The following DNMBP variants were observed in gnomAD, a reference collection of about 807,000 sequenced individuals.
DNMBP encodes the protein dynamin binding protein, also known as dynamin-binding protein.
DNMBP carries 87 observed loss-of-function variants against 150.0 expected under a neutral mutation model. The observed-to-expected ratio is 0.58, with a 90% confidence interval of 0.49 to 0.69. DNMBP has a LOEUF of 0.69. Ranked by LOEUF, DNMBP falls within the 30% of genes least tolerant of loss-of-function variation. The pLI, the probability that DNMBP is intolerant of heterozygous loss-of-function variation, is 0.00. For missense variants in DNMBP, 1,774 were observed against 1,949.0 expected (o/e 0.91, Z 1.69); for synonymous variants, 711 against 750.4 (o/e 0.95, Z 0.86).
At chr10:99,954,096 G>C (rs1283865132) in intron 4 of DNMBP, among the ~76,000 whole-genome samples, 1 of 151,938 alleles carries the variant, frequency 6.6e-6, no homozygotes, top group Non-Finnish European at 1.5e-5. Flanking sequence ...GCAGTGGCAT[G>C]ATCATTGCTC....
In DNMBP at chr10:99,896,251, A is replaced by C. The variant is rs778189511; in HGVS notation, c.3051+16T>G. ...CTGTCAAAGATGCGCTAAGCCTTCC[A>C]GGATGGGGATCTCACCTGAGGAGCA... On this transcript the variant is annotated intron_variant, in intron 10 of 16. Transcript: ENST00000324109. 6.2e-7 allele frequency: 1 copy of C among 1,613,506 alleles called. No homozygotes were observed.
At chr10:99,946,289 T>G (rs1439356309) in intron 4 of DNMBP, among the ~76,000 whole-genome samples, 2 of 152,206 alleles carry the variant, frequency 1.3e-5, no homozygotes, top group East Asian at 3.8e-4. Flanking sequence ...CACTTAACAA[T>G]TCCACCAACA....
Position 99,880,018 on chromosome 10 carries a change from C to T in DNMBP, c.4341G>A (p.Gly1447=), listed in dbSNP as rs1169794000. 2 of 1,614,156 alleles carry T rather than the reference C, an allele frequency of 1.2e-6. No homozygotes were observed. Among genetic ancestry groups the T allele is most frequent in the East Asian group, 4.5e-5 (2 of 44,888 alleles). Residue 1447 remains glycine, a synonymous_variant, in exon 16 of 17, where the codon GGG becomes GGA. Coordinates refer to ENST00000324109, the MANE Select transcript of DNMBP (RefSeq NM_015221.4). ...CATCTCTAGCTACATCTGCAGAGTCCCCTGACCTTGGCTGGGAGGTGGAGT... is the reference window on the plus strand; with the variant it reads ...CATCTCTAGCTACATCTGCAGAGTCTCCTGACCTTGGCTGGGAGGTGGAGT... ...DPDSTSQPRS[G]DSADVARDVK... is the part of the protein sequence containing the mutation.
intron 4 of DNMBP, among the ~76,000 whole-genome samples, chr10:99,923,159 G>A (rs572133859): frequency 6.6e-6 from 1 of 152,092 alleles, no homozygotes; most frequent in African/African-American, 2.4e-5. Flanking sequence ...GGGAGGCCGA[G>A]GTGGGCGGAT....
intron 10 of DNMBP, 78 bp downstream of exon 10, chr10:99,896,189 T>A: frequency 6.6e-7 from 1 of 1,526,574 alleles, no homozygotes; most frequent in Non-Finnish European, 8.9e-7. Flanking sequence ...CCACGCCAAT[T>A]GACGCCAGGC....
In DNMBP at chr10:100,000,867, A is replaced by C. The variant is rs1420588336; in HGVS notation, c.-11+8971T>G. Among the ~76,000 whole-genome samples, 496 of 145,484 alleles carry C rather than the reference A, an allele frequency of 3.4e-3. 8 individuals carry two copies. Among genetic ancestry groups the C allele is most frequent in the African/African-American group, 0.012 (442 of 37,624 alleles). On this transcript the variant is annotated intron_variant, in intron 1 of 16. Transcript: ENST00000324109. ...AGTGACACCTGTTATGGCAAAAAAA[A>C]AAAAAAAAAAAAAAAAAAAACCCAG...
intron 1 of DNMBP, among the ~76,000 whole-genome samples, chr10:99,974,566 T>C (rs1050352879): frequency 4.0e-5 from 6 of 150,722 alleles, no homozygotes; most frequent in African/African-American, 1.5e-4. Flanking sequence ...AGTGCAAAAA[T>C]AGCTCACTGC....
At position 99,875,750 on chromosome 10, in the gene DNMBP, G is replaced by C. The variant is rs1231533293; in HGVS notation, c.*1401C>G. The C allele has an allele frequency of 7.5e-6, 1 of 133,452 alleles. No homozygotes were observed. Among genetic ancestry groups the C allele is most frequent in the African/African-American group, 2.6e-5 (1 of 39,086 alleles). 8.3% of individuals were successfully genotyped at this position (133,452 alleles called of 1,614,324 possible). ...GACTCCCAGGATTTTAAGGCTAAAT[G>C]TGCACTTGGAGGAACAGGGGCTGTA... On this transcript the variant is annotated 3_prime_UTR_variant, in exon 17 of 17. Coordinates refer to ENST00000324109, the MANE Select transcript of DNMBP (RefSeq NM_015221.4).
intron 9 of DNMBP, 152 bp from the exon 10 acceptor site, chr10:99,896,549 T>A: frequency 1.3e-6 from 1 of 769,060 alleles, no homozygotes. Context: ...TGGACAGACA[T>A]GATATCTGAA....
chr10:99,969,041 A>C lies in DNMBP; in HGVS notation c.268+74T>G. 5.1e-6 allele frequency: 8 copies of C among 1,574,718 alleles called. No homozygotes were observed. The South Asian group carries it at 9.0e-5, about 18-fold the overall frequency. The stretch of plus-strand genomic sequence containing the variant: ...GTTAAGCCACTTCACAAATTCAAAA[A>C]GGATCTGGTTGTCGAAACGGGCAGA... On this transcript the variant is annotated intron_variant, in intron 3 of 16. Coordinates refer to ENST00000324109, the MANE Select transcript of DNMBP (RefSeq NM_015221.4).
In DNMBP at chr10:99,951,809, C is replaced by T. The variant is rs750733789; in HGVS notation, c.2260+3405G>A. ...GGGACTTGCCTTGTCTCAGATGAGA[C>T]GTCGAACTGTGGACTTTTGAGTTAA... On this transcript the variant is annotated intron_variant, in intron 4 of 16. Coordinates refer to ENST00000324109, the MANE Select transcript of DNMBP (RefSeq NM_015221.4). Among the ~76,000 whole-genome samples the T allele has an allele frequency of 4.6e-4, 70 of 152,306 alleles. 1 individual carries two copies. The highest frequency in any genetic ancestry group is 1.3e-3 in the African/African-American group (54 of 41,554).
intron 6 of DNMBP, among the ~76,000 whole-genome samples, chr10:99,903,170 G>T (rs2039772060): frequency 6.7e-6 from 1 of 149,682 alleles, no homozygotes; most frequent in Non-Finnish European, 1.5e-5. Flanking sequence ...TGAACTCCTG[G>T]CCTCAAGCAA....
At chr10:100,004,077 C>CA (rs551141586) in intron 1 of DNMBP, among the ~76,000 whole-genome samples, 61,745 of 139,788 alleles carry the variant, frequency 0.44, 13,462 homozygotes, top group African/African-American at 0.52. Flanking sequence ...AAAAAAATTA[C>CA]AAAAAAAAAA....
At chr10:99,903,481 C>A (rs1031610358) in intron 6 of DNMBP, among the ~76,000 whole-genome samples, 1 of 152,052 alleles carries the variant, frequency 6.6e-6, no homozygotes, top group Non-Finnish European at 1.5e-5. Context: ...TACAAGTGTG[C>A]CCCACCATAC....
intron 4 of DNMBP, among the ~76,000 whole-genome samples, chr10:99,915,194 CACACATATACATAT>C (rs2039951165): frequency 1.5e-5 from 2 of 130,520 alleles, no homozygotes; most frequent in Non-Finnish European, 3.2e-5. Context: ...CACACATATA[CACACATATACATAT>C]ATACATACAC....
intron 4 of DNMBP, among the ~76,000 whole-genome samples, chr10:99,939,655 A>G (rs940281895): frequency 6.6e-6 from 1 of 152,252 alleles, no homozygotes; most frequent in African/African-American, 2.4e-5. Context: ...ATGAAAGGTC[A>G]CCAAGTCAGA....
intron 3 of DNMBP, among the ~76,000 whole-genome samples, chr10:99,962,642 C>A (rs990140439): frequency 7.9e-4 from 118 of 149,918 alleles, no homozygotes; most frequent in African/African-American, 2.8e-3. Context: ...AAAAAAAAAA[C>A]AAACAAAAAA....
intron 5 of DNMBP, among the ~76,000 whole-genome samples, chr10:99,908,603 G>C (rs2039855777): frequency 6.6e-6 from 1 of 152,184 alleles, no homozygotes; most frequent in Non-Finnish European, 1.5e-5. Context: ...ACAGGTACTA[G>C]AGTCATGTAA....
chr10:99,999,347 A>G (rs1333655550), intron 1 of DNMBP, among the ~76,000 whole-genome samples: 2 of 152,260 alleles, frequency 1.3e-5, no homozygotes, highest in Admixed American at 1.3e-4. Context: ...TCTGTACCTC[A>G]GTTTCTCCAT....
Sources: gnomAD v4.1 joint callset for allele counts (sites outside exome capture counted in the v4.1 genomes callset) on GRCh38, gnomAD v4.1.1 for gene constraint, MANE v1.5 for transcripts, NCBI Gene and HGNC (gene_info 2026-07-23, HGNC 2026-07-21) for gene names.